Variants in ZC3H11A observed in about 807,000 individuals in gnomAD.
ZC3H11A encodes zinc finger CCCH-type containing 11A.
Under a neutral mutation model 90.8 loss-of-function variants are expected in ZC3H11A, and 22 were observed. The observed-to-expected ratio is 0.24, with a 90% CI of 0.17 to 0.35. The LOEUF is 0.35. ZC3H11A is among the 10% of genes least tolerant of loss of function. The probability of loss-of-function intolerance (pLI) is 1.00; values close to 1 mark genes in which losing one functional copy is unlikely to be tolerated. For synonymous variants in ZC3H11A, 294 were observed against 339.8 expected (o/e 0.87, Z 1.48); for missense variants, 701 against 964.9 (o/e 0.73, Z 3.62).
At chr1:203,829,996 C>T in intron 7 of ZC3H11A, 100 bp downstream of exon 7, 1 of 1,332,204 alleles carries the variant, frequency 7.5e-7, no homozygotes, top group Non-Finnish European at 1.1e-6. Context: ...TCCCATGCTA[C>T]ACGCATACTT....
intron 4 of ZC3H11A, among the ~76,000 whole-genome samples, chr1:203,820,045 A>G (rs1023051705): frequency 6.7e-6 from 1 of 150,318 alleles, no homozygotes; most frequent in African/African-American, 2.5e-5. Context: ...GACCAGCCTG[A>G]CCAACATGGT....
At chr1:203,849,575 C>T in intron 14 of ZC3H11A, 136 bp from the exon 15 acceptor site, 1 of 830,870 alleles carries the variant, frequency 1.2e-6, no homozygotes, top group Non-Finnish European at 2.0e-6. Flanking sequence ...GTCTATTTAA[C>T]ATCAAATAAA....
intron 2 of ZC3H11A, among the ~76,000 whole-genome samples, chr1:203,809,031 T>C (rs1287298793): frequency 6.6e-6 from 1 of 152,044 alleles, no homozygotes; most frequent in Non-Finnish European, 1.5e-5. Context: ...GATTTCACCA[T>C]GTTGGTCAAG....
intron 4 of ZC3H11A, among the ~76,000 whole-genome samples, chr1:203,821,253 C>A (rs1205223600): frequency 6.6e-6 from 1 of 152,134 alleles, no homozygotes; most frequent in Admixed American, 6.6e-5. Context: ...TCACCTCCTG[C>A]CATAATTATA....
intron 2 of ZC3H11A, among the ~76,000 whole-genome samples, chr1:203,811,145 A>C (rs973216772): frequency 7.6e-4 from 76 of 99,832 alleles, no homozygotes; most frequent in East Asian, 2.0e-3. Context: ...CTCTGTCACA[A>C]AAAAAAAAAA....
intron 12 of ZC3H11A, among the ~76,000 whole-genome samples, chr1:203,844,585 T>G (rs1359478591): frequency 2.0e-5 from 3 of 152,218 alleles, no homozygotes; most frequent in African/African-American, 4.8e-5. Context: ...TTGTTGTTTT[T>G]CCATAGTTGT....
intron 8 of ZC3H11A, among the ~76,000 whole-genome samples, chr1:203,830,994 G>A (rs945934357): frequency 7.8e-6 from 1 of 128,012 alleles, no homozygotes; most frequent in South Asian, 2.5e-4. Context: ...TTGCCAGGCT[G>A]GAGTGCAATG....
chr1:203,842,897 T>C (rs1281600384), intron 12 of ZC3H11A, among the ~76,000 whole-genome samples: 1 of 148,962 alleles, frequency 6.7e-6, no homozygotes, highest in Non-Finnish European at 1.5e-5. Context: ...AATAATAAAA[T>C]GAACATCCAT....
intron 11 of ZC3H11A, among the ~76,000 whole-genome samples, chr1:203,838,954 C>CAAAAAAA (rs59033094): frequency 2.1e-4 from 21 of 97,822 alleles, no homozygotes; most frequent in African/African-American, 3.9e-4. Context: ...GACTTCATCT[C>CAAAAAAA]AAAAAAAAAA....
chr1:203,812,233 C>T (rs1384779909), intron 2 of ZC3H11A, among the ~76,000 whole-genome samples: 1 of 152,076 alleles, frequency 6.6e-6, no homozygotes, highest in Non-Finnish European at 1.5e-5. Flanking sequence ...GGTATTAAGC[C>T]TAGTATCTAT....
At position 203,821,392 on chromosome 1, in the gene ZC3H11A, A is replaced by G. The variant is rs146743007; in HGVS notation, c.174+2703A>G. Among the ~76,000 whole-genome samples, 341 of 152,060 alleles carry G rather than the reference A, an allele frequency of 2.2e-3. 2 individuals are homozygous for G. The highest frequency in any genetic ancestry group is 1.6e-3 in the Non-Finnish European group (110 of 67,996). Reference sequence around the variant, plus strand: ...AATGGACTAATACATGTGGTTTTCTATTTTAATCAGTGTGTCGTACTCTGT... The same window carrying G: ...AATGGACTAATACATGTGGTTTTCTGTTTTAATCAGTGTGTCGTACTCTGT... On this transcript the variant is annotated intron_variant, in intron 4 of 17. Coordinates refer to ENST00000367210, the MANE Select transcript of ZC3H11A (RefSeq NM_001376342.1).
At chr1:203,805,801 A>G in intron 2 of ZC3H11A, 1 of 772,824 alleles carries the variant, frequency 1.3e-6, no homozygotes, top group Non-Finnish European at 2.3e-6. Flanking sequence ...GTCTTCATCT[A>G]ATTCTGGGCC....
chr1:203,829,234 G>A, intron 5 of ZC3H11A: 1 of 584,328 alleles, frequency 1.7e-6, no homozygotes, highest in East Asian at 2.9e-5. Flanking sequence ...TGTTTTGAGT[G>A]CCCACTTTGT....
chr1:203,803,580 C>T lies in ZC3H11A; in HGVS notation c.-146+564C>T, dbSNP rs147230761. Among the ~76,000 whole-genome samples the T allele has an allele frequency of 3.3e-5, 5 of 152,264 alleles. No individual in the cohort carries two copies. In the East Asian group the frequency reaches 7.7e-4, roughly 24 times the overall value. On this transcript the variant is annotated intron_variant, in intron 2 of 17. Transcript: ENST00000367210. ...CCAAAGTGAAATCTTCCTGTAATTC[C>T]ATCTCCTTGGAGAAAAGCACTGGGT...
chr1:203,847,793 A>G, intron 13 of ZC3H11A, 106 bp downstream of exon 13: 1 of 1,479,356 alleles, frequency 6.8e-7, no homozygotes, highest in Non-Finnish European at 9.1e-7. Flanking sequence ...CTTTACTCAG[A>G]TAACGTTGAA....
intron 2 of ZC3H11A, among the ~76,000 whole-genome samples, chr1:203,809,783 G>A (rs1467713275): frequency 6.6e-6 from 1 of 151,862 alleles, no homozygotes; most frequent in Non-Finnish European, 1.5e-5. Flanking sequence ...GTGAAACCCC[G>A]TCTCTACTAA....
At chr1:203,833,361 T>C (rs1683054862) in intron 9 of ZC3H11A, among the ~76,000 whole-genome samples, 1 of 90,390 alleles carries the variant, frequency 1.1e-5, no homozygotes, top group Non-Finnish European at 2.4e-5. Context: ...TGAGACTCTG[T>C]CTCAAAAAAA....
At chr1:203,799,815 A>G (rs903495251) in intron 1 of ZC3H11A, 1 of 1,412,270 alleles carries the variant, frequency 7.1e-7, no homozygotes, top group African/African-American at 1.4e-5. Flanking sequence ...CAAGCCCTGT[A>G]TCTTGGCTAC....
chr1:203,807,667 C>T (rs1483969346), intron 2 of ZC3H11A, among the ~76,000 whole-genome samples: 1 of 152,038 alleles, frequency 6.6e-6, no homozygotes, highest in Non-Finnish European at 1.5e-5. Flanking sequence ...GCTAGGACCA[C>T]AGATGTATGG....
Sources: gnomAD v4.1 joint callset for allele counts (sites outside exome capture counted in the v4.1 genomes callset) on GRCh38, gnomAD v4.1.1 for gene constraint, MANE v1.5 for transcripts, NCBI Gene and HGNC (gene_info 2026-07-23, HGNC 2026-07-21) for gene names.